DLGAP2: variants seen among roughly 807,000 people sequenced by gnomAD.
DLGAP2 encodes the protein DLG associated protein 2.
DLGAP2 carries 26 observed loss-of-function variants against 100.3 expected under a neutral mutation model. That is an observed-to-expected ratio of 0.26 (90% CI 0.19 to 0.36). DLGAP2 has a LOEUF of 0.36. DLGAP2 is among the 10% of genes least tolerant of loss of function. The probability of loss-of-function intolerance (pLI) is 1.00; values close to 1 mark genes in which losing one functional copy is unlikely to be tolerated. For missense variants in DLGAP2, 1,858 were observed against 1,453.2 expected (o/e 1.28, Z -4.53); for synonymous variants, 886 against 630.1 (o/e 1.41, Z -6.08).
intron 2 of DLGAP2, among the ~76,000 whole-genome samples, chr8:1,112,237 A>ATTTTTTTTTTTT (rs4044488): frequency 1.0e-5 from 1 of 98,030 alleles, no homozygotes; most frequent in Non-Finnish European, 1.9e-5. Flanking sequence ...TCCTTTGCCC[A>ATTTTTTTTTTTT]TTTTTTTTTT....
intron 13 of DLGAP2, among the ~76,000 whole-genome samples, chr8:1,695,564 C>T (rs1479168167): frequency 4.8e-5 from 7 of 147,362 alleles, no homozygotes; most frequent in Admixed American, 2.0e-4. Flanking sequence ...CAGCCATGCC[C>T]GGCCCTACAG....
At chr8:1,224,817 C>G (rs938499364) in intron 2 of DLGAP2, among the ~76,000 whole-genome samples, 3 of 152,176 alleles carry the variant, frequency 2.0e-5, no homozygotes, top group Admixed American at 2.0e-4. Flanking sequence ...AAATGGTCAA[C>G]AAGCACGTGA....
At chr8:906,449 A>G (rs2128998517) in intron 1 of DLGAP2, among the ~76,000 whole-genome samples, 1 of 152,274 alleles carries the variant, frequency 6.6e-6, no homozygotes, top group South Asian at 2.1e-4. Flanking sequence ...AGTGCTGGAA[A>G]AGGTGAGTGA....
At chr8:1,171,004 T>C (rs1367146269) in intron 2 of DLGAP2, among the ~76,000 whole-genome samples, 1 of 151,934 alleles carries the variant, frequency 6.6e-6, no homozygotes, top group Non-Finnish European at 1.5e-5. Flanking sequence ...CTTTCCTGCT[T>C]TCTCTTGTGG....
intron 3 of DLGAP2, among the ~76,000 whole-genome samples, chr8:1,441,549 G>A (rs972517528): frequency 1.6e-4 from 24 of 152,032 alleles, no homozygotes; most frequent in South Asian, 6.3e-4. Flanking sequence ...TTAGCCAGGC[G>A]TGTTGGTGGG....
intron 1 of DLGAP2, among the ~76,000 whole-genome samples, chr8:746,313 A>G (rs941720587): frequency 6.6e-6 from 1 of 152,230 alleles, no homozygotes; most frequent in South Asian, 2.1e-4. Context: ...CGAGTTACTC[A>G]TATTAACTCA....
At chr8:1,314,246 A>G (rs1411627976) in intron 3 of DLGAP2, among the ~76,000 whole-genome samples, 3 of 152,180 alleles carry the variant, frequency 2.0e-5, no homozygotes, top group Admixed American at 6.5e-5. Flanking sequence ...GTTACTGTTG[A>G]GTTAGACACG....
intron 1 of DLGAP2, among the ~76,000 whole-genome samples, chr8:756,572 A>G (rs571061292): frequency 6.6e-5 from 10 of 152,120 alleles, no homozygotes; most frequent in Non-Finnish European, 1.3e-4. Context: ...ATTCATATGC[A>G]GCCTACCCTG....
intron 2 of DLGAP2, among the ~76,000 whole-genome samples, chr8:961,155 G>C (rs1239897464): frequency 6.6e-6 from 1 of 152,168 alleles, no homozygotes; most frequent in East Asian, 1.9e-4. Context: ...AAAAGGTCTT[G>C]GTTAGTGTAC....
chr8:985,586 C>G (rs1800462571), intron 2 of DLGAP2, among the ~76,000 whole-genome samples: 1 of 152,114 alleles, frequency 6.6e-6, no homozygotes, highest in South Asian at 2.1e-4. Flanking sequence ...GGAGAGTTGA[C>G]CAATCAAATC....
chr8:744,347 G>A (rs1820562061), intron 1 of DLGAP2, among the ~76,000 whole-genome samples: 2 of 152,302 alleles, frequency 1.3e-5, no homozygotes, highest in Admixed American at 6.5e-5. Context: ...TAGCCACTCT[G>A]TGAGGAAGGG....
chr8:1,506,889 G>A (rs1799939399), intron 4 of DLGAP2, among the ~76,000 whole-genome samples: 1 of 152,176 alleles, frequency 6.6e-6, no homozygotes, highest in African/African-American at 2.4e-5. Flanking sequence ...CAAACCTTGA[G>A]CTAGACACAG....
At chr8:1,509,940 C>T (rs1489522344) in intron 4 of DLGAP2, among the ~76,000 whole-genome samples, 3 of 152,028 alleles carry the variant, frequency 2.0e-5, no homozygotes, top group Non-Finnish European at 2.9e-5. Context: ...AGGACGCGGC[C>T]GCGGAGAGGA....
chr8:1,010,832 C>T (rs936826238), intron 2 of DLGAP2, among the ~76,000 whole-genome samples: 4 of 152,226 alleles, frequency 2.6e-5, no homozygotes, highest in East Asian at 1.9e-4. Flanking sequence ...GGGAGCATCA[C>T]GGGGCTCCTC....
At chr8:1,347,051 G>A (rs1039374913) in intron 3 of DLGAP2, among the ~76,000 whole-genome samples, 1 of 151,624 alleles carries the variant, frequency 6.6e-6, no homozygotes, top group African/African-American at 2.4e-5. Context: ...TGGTAACTGT[G>A]CGGAGGATGA....
chr8:1,320,345 G>C (rs773810926), intron 3 of DLGAP2, among the ~76,000 whole-genome samples: 1 of 151,956 alleles, frequency 6.6e-6, no homozygotes, highest in Admixed American at 6.5e-5. Context: ...GCCAGGACTC[G>C]AGGGAACCGT....
At chr8:1,497,290 C>T (rs1317947285) in intron 3 of DLGAP2, among the ~76,000 whole-genome samples, 2 of 152,196 alleles carry the variant, frequency 1.3e-5, no homozygotes, top group African/African-American at 2.4e-5. Flanking sequence ...CACCGATCAG[C>T]CTCACACATG....
chr8:1,302,591 C>G (rs1487320081), intron 3 of DLGAP2: 3 of 152,254 alleles, frequency 2.0e-5, no homozygotes, highest in Non-Finnish European at 4.4e-5. Flanking sequence ...ATACCTGGGA[C>G]CGGACTCGGT....
At chr8:1,274,201 A>C (rs1799637216) in intron 3 of DLGAP2, among the ~76,000 whole-genome samples, 1 of 151,874 alleles carries the variant, frequency 6.6e-6, no homozygotes, top group Non-Finnish European at 1.5e-5. Flanking sequence ...TTATATTTCA[A>C]ATAAATCTTA....
Sources: allele counts gnomAD v4.1 joint callset (sites outside exome capture counted in the v4.1 genomes callset), GRCh38; gene constraint gnomAD v4.1.1; transcripts MANE v1.5; gene names NCBI Gene and HGNC (gene_info 2026-07-23, HGNC 2026-07-21).